SCN8A: variants seen among roughly 807,000 people sequenced by gnomAD.
SCN8A encodes the protein sodium channel protein type 8 subunit alpha.
A neutral mutation model predicts 184.1 loss-of-function variants in SCN8A; 30 were observed. That is an observed-to-expected ratio of 0.16 (90% CI 0.12 to 0.22). The LOEUF (loss-of-function observed/expected upper bound fraction) is 0.22, where lower values mean the gene tolerates loss of function less well. Ranked by LOEUF, SCN8A falls within the 10% of genes least tolerant of loss-of-function variation. The probability of loss-of-function intolerance (pLI) is 1.00; values close to 1 mark genes in which losing one functional copy is unlikely to be tolerated. For missense variants in SCN8A, 1,057 were observed against 2,498.9 expected, an observed-to-expected ratio of 0.42 and a Z score of 12.30; for synonymous variants, 852 against 907.0, an observed-to-expected ratio of 0.94 and a Z score of 1.09.
chr12:51,712,459 T>G (rs1295323266), intron 11 of SCN8A: 10 of 767,454 alleles, frequency 1.3e-5, no homozygotes, highest in Non-Finnish European at 2.4e-5. Flanking sequence ...TTTTCTGCTG[T>G]TTTTAGAACC....
intron 1 of SCN8A, among the ~76,000 whole-genome samples, chr12:51,627,492 C>T (rs760607160): frequency 6.6e-6 from 1 of 152,172 alleles, no homozygotes; most frequent in African/African-American, 2.4e-5. Context: ...AGGGATTCTC[C>T]TGCCTCAGCC....
rs1178224820 is a variant in SCN8A, at chr12:51,721,740, C to T, written c.1830C>T (p.Arg610=). 6.2e-7 allele frequency: 1 copy of T among 1,605,260 alleles called. No individual in the cohort carries two copies. Among genetic ancestry groups the T allele is most frequent in the African/African-American group, 1.3e-5 (1 of 74,882 alleles). ...SLFIPIRARE[R]RSSYSGYSGY... ...TCATCCCCATCCGGGCCCGCGAGCG[C>T]CGGAGCAGCTACAGCGGCTACAGCG... Residue 610 remains arginine, a synonymous_variant, in exon 12 of 27, where the codon CGC becomes CGT. Transcript: ENST00000627620.
At chr12:51,663,409 C>T (rs534386561) in intron 2 of SCN8A, among the ~76,000 whole-genome samples, 85 of 152,224 alleles carry the variant, frequency 5.6e-4, no homozygotes, top group African/African-American at 1.9e-3. Flanking sequence ...CAGCCTCCCT[C>T]TCTCAAACAC....
intron 11 of SCN8A, among the ~76,000 whole-genome samples, chr12:51,708,185 A>T (rs572614391): frequency 5.3e-5 from 8 of 152,316 alleles, no homozygotes; most frequent in African/African-American, 1.7e-4. Flanking sequence ...ATTATAGGGG[A>T]TAATAATAAT....
intron 1 of SCN8A, 92 bp from the exon 2 acceptor site, chr12:51,662,672 T>C: frequency 1.3e-6 from 1 of 764,916 alleles, no homozygotes; most frequent in Non-Finnish European, 2.1e-6. Context: ...TTTGCAAAGG[T>C]TGTGAATTAA....
intron 1 of SCN8A, among the ~76,000 whole-genome samples, chr12:51,653,313 T>A (rs779233539): frequency 7.2e-5 from 11 of 152,204 alleles, no homozygotes; most frequent in Non-Finnish European, 1.6e-4. Context: ...TGAAACTCTG[T>A]ACCAACTAAA....
chr12:51,676,206 G>T (rs1350136457), intron 2 of SCN8A, among the ~76,000 whole-genome samples: 3 of 152,154 alleles, frequency 2.0e-5, no homozygotes, highest in Non-Finnish European at 4.4e-5. Flanking sequence ...GATAGTACCA[G>T]GACACGGGTA....
At chr12:51,731,201 C>T (rs1370306587) in intron 12 of SCN8A, among the ~76,000 whole-genome samples, 1 of 152,116 alleles carries the variant, frequency 6.6e-6, no homozygotes, top group Non-Finnish European at 1.5e-5. Flanking sequence ...GCAGATAGTG[C>T]AGTTATCTCT....
intron 1 of SCN8A, among the ~76,000 whole-genome samples, chr12:51,611,003 AT>A (rs1350098980): frequency 6.6e-6 from 1 of 152,236 alleles, no homozygotes; most frequent in African/African-American, 2.4e-5. Context: ...AACTGCTGGC[AT>A]TTTGATTGGA....
At chr12:51,701,121 C>A (rs1390601939) in intron 7 of SCN8A, 23 bp from the exon 8 acceptor site, 1 of 1,586,084 alleles carries the variant, frequency 6.3e-7, no homozygotes, top group South Asian at 1.1e-5. Flanking sequence ...CTGTTCATTT[C>A]CTGCCTCTTC....
intron 20 of SCN8A, chr12:51,780,062 C>T (rs1050868748): frequency 4.5e-5 from 13 of 290,648 alleles, no homozygotes; most frequent in Non-Finnish European, 6.4e-5. Flanking sequence ...AATGTCGTGA[C>T]GCATCAGATT....
chr12:51,742,870 AG>A (rs531729989), intron 12 of SCN8A, among the ~76,000 whole-genome samples: 119 of 152,210 alleles, frequency 7.8e-4, no homozygotes, highest in African/African-American at 2.8e-3. Flanking sequence ...TAGATCTTGC[AG>A]GTGTGCTTCG....
At chr12:51,708,783 T>A (rs963579602) in intron 11 of SCN8A, among the ~76,000 whole-genome samples, 31 of 152,292 alleles carry the variant, frequency 2.0e-4, no homozygotes, top group African/African-American at 6.7e-4. Flanking sequence ...CCTTTGTATT[T>A]TATATACTGT....
In SCN8A at chr12:51,807,234, C is replaced by T. The variant is rs1390613897; in HGVS notation, c.5748C>T (p.Ile1916=). 1 of 1,613,960 alleles carries T rather than the reference C, an allele frequency of 6.2e-7. No homozygotes were observed. Among genetic ancestry groups the T allele is most frequent in the South Asian group, 1.1e-5 (1 of 91,078 alleles). Residue 1916 remains isoleucine, a synonymous_variant, in exon 27 of 27, where the codon ATC becomes ATT. Coordinates refer to ENST00000627620, the MANE Select transcript of SCN8A (RefSeq NM_001330260.2). This position sits in a 1 kb window ranked among gnomAD's most constrained non-coding sequence, Gnocchi z 4.5. ...GACATTTGGCAAGGCGGGGCTTCATCTGCAAAAAGACAACTTCTAATAAGC... is the reference window on the plus strand; with the variant it reads ...GACATTTGGCAAGGCGGGGCTTCATTTGCAAAAAGACAACTTCTAATAAGC... The part of the protein sequence containing the change: ...YRGHLARRGF[I]CKKTTSNKLE...
At position 51,684,174 on chromosome 12, in the gene SCN8A, A is replaced by T. The variant is rs1483873062; in HGVS notation, c.277A>T (p.Thr93Ser). The T allele has an allele frequency of 7.0e-7, 1 of 1,428,248 alleles. No individual in the cohort carries two copies. The highest frequency in any genetic ancestry group is 9.9e-7 in the Non-Finnish European group (1 of 1,010,764). 88.5% of individuals were successfully genotyped at this position (1,428,248 alleles called of 1,614,324 possible). Reference sequence around the variant, plus strand: ...TTTCTCTCTCTTTCTTTCTCCACAGACCTTTGTAGTATTAAACAGAGGGAA... The same window carrying T: ...TTTCTCTCTCTTTCTTTCTCCACAGTCCTTTGTAGTATTAAACAGAGGGAA... Reference protein sequence around the residue: ...DFDPYYLTQKTFVVLNRGKTL... With the variant: ...DFDPYYLTQKSFVVLNRGKTL... Residue 93 changes from threonine (T) to serine (S), a missense_variant and splice_region_variant, in exon 3 of 27, where the codon ACC becomes TCC. By Grantham distance (58) the Thr-to-Ser change is moderately conservative. Around this residue, in one of 19 missense-constraint regions of SCN8A, gnomAD observed 66 missense variants for 276.4 expected, o/e 0.24. Coordinates refer to ENST00000627620, the MANE Select transcript of SCN8A (RefSeq NM_001330260.2).
intron 2 of SCN8A, among the ~76,000 whole-genome samples, chr12:51,664,399 G>T (rs536811551): frequency 6.6e-6 from 1 of 151,960 alleles, no homozygotes; most frequent in Non-Finnish European, 1.5e-5. Context: ...GTAGAGATGG[G>T]ATTTCACCAT....
chr12:51,635,996 TTTTG>T (rs1309354138), intron 1 of SCN8A, among the ~76,000 whole-genome samples: 3 of 152,094 alleles, frequency 2.0e-5, no homozygotes, highest in Non-Finnish European at 2.9e-5. Context: ...GAGTTTTTGT[TTTTG>T]TTTGTTTGTT....
At chr12:51,647,757 G>A (rs1174120048) in intron 1 of SCN8A, among the ~76,000 whole-genome samples, 8 of 152,168 alleles carry the variant, frequency 5.3e-5, no homozygotes, top group East Asian at 1.9e-4. Flanking sequence ...GTAGCATCTC[G>A]TTGTCATTGG....
At chr12:51,648,400 G>A (rs1034228745) in intron 1 of SCN8A, among the ~76,000 whole-genome samples, 2 of 152,140 alleles carry the variant, frequency 1.3e-5, no homozygotes, top group African/African-American at 4.8e-5. Flanking sequence ...CCTAGAGTGG[G>A]TAGTCCTGTT....
Sources: gnomAD v4.1 joint callset for allele counts (sites outside exome capture counted in the v4.1 genomes callset) on GRCh38, gnomAD v4.1.1 for gene constraint, gnomAD v4.1.1 regional missense constraint, Gnocchi (gnomAD v3.1) non-coding constraint, MANE v1.5 for transcripts, NCBI Gene and HGNC (gene_info 2026-07-23, HGNC 2026-07-21) for gene names.